Variants in FBXL17 observed in about 807,000 individuals in gnomAD.
The protein encoded by FBXL17 is F-box/LRR-repeat protein 17.
FBXL17 carries 22 observed loss-of-function variants against 66.2 expected under a neutral mutation model. The ratio of observed to expected loss-of-function variants is 0.33; its 90% CI spans 0.24 to 0.47. The LOEUF (loss-of-function observed/expected upper bound fraction) is 0.47, where lower values mean the gene tolerates loss of function less well. Ranked by LOEUF, FBXL17 falls within the 20% of genes least tolerant of loss-of-function variation. The pLI, the probability that FBXL17 is intolerant of heterozygous loss-of-function variation, is 1.00. For synonymous variants in FBXL17, 474 were observed against 400.5 expected, an observed-to-expected ratio of 1.18 and a Z score of -2.19; for missense variants, 878 against 948.2, an observed-to-expected ratio of 0.93 and a Z score of 0.97.
At chr5:108,162,008 TA>T (rs1184008990) in intron 6 of FBXL17, among the ~76,000 whole-genome samples, 13 of 152,340 alleles carry the variant, frequency 8.5e-5, no homozygotes, top group African/African-American at 2.9e-4. Flanking sequence ...TTAAAAGGGA[TA>T]AATAGAAATT....
chr5:108,353,232 A>T (rs1747759043), intron 3 of FBXL17, among the ~76,000 whole-genome samples: 2 of 152,248 alleles, frequency 1.3e-5, no homozygotes, highest in African/African-American at 4.8e-5. Flanking sequence ...ATGAAGACAC[A>T]GACCAAACCA....
intron 7 of FBXL17, among the ~76,000 whole-genome samples, chr5:108,017,107 T>C (rs773324021): frequency 2.2e-4 from 34 of 151,906 alleles, no homozygotes; most frequent in Non-Finnish European, 4.3e-4. Context: ...CAAAAGAAAA[T>C]TGAGCAAAAA....
At chr5:108,326,949 A>G (rs774825055) in intron 4 of FBXL17, among the ~76,000 whole-genome samples, 4 of 152,192 alleles carry the variant, frequency 2.6e-5, no homozygotes, top group African/African-American at 9.6e-5. Flanking sequence ...CTTCCCAAAC[A>G]ACTCAGCCAA....
chr5:108,331,636 T>C (rs1433845525), intron 4 of FBXL17, among the ~76,000 whole-genome samples: 1 of 152,198 alleles, frequency 6.6e-6, no homozygotes, highest in Non-Finnish European at 1.5e-5. Context: ...GCTGAACTTA[T>C]TAATGACACT....
chr5:108,349,388 A>G (rs1747499640), intron 3 of FBXL17, among the ~76,000 whole-genome samples: 1 of 152,138 alleles, frequency 6.6e-6, no homozygotes, highest in African/African-American at 2.4e-5. Flanking sequence ...CCTTCTGCCT[A>G]TGAATCTTCT....
chr5:108,018,219 T>C (rs1272522796), intron 7 of FBXL17, among the ~76,000 whole-genome samples: 1 of 152,134 alleles, frequency 6.6e-6, no homozygotes, highest in East Asian at 1.9e-4. Context: ...CAGATGTACA[T>C]CAAATTTTAC....
At chr5:108,021,199 T>G (rs1754586827) in intron 6 of FBXL17, among the ~76,000 whole-genome samples, 198 bp from the exon 7 acceptor site, 1 of 151,700 alleles carries the variant, frequency 6.6e-6, no homozygotes, top group Non-Finnish European at 1.5e-5. Flanking sequence ...TTATGACTAG[T>G]GCATCTTTTA....
chr5:108,007,973 G>T (rs147784692), intron 7 of FBXL17, among the ~76,000 whole-genome samples: 4 of 152,110 alleles, frequency 2.6e-5, no homozygotes, highest in African/African-American at 9.7e-5. Context: ...ATATTCATGC[G>T]CATTCCCTGA....
chr5:108,197,600 A>T (rs892941144), intron 5 of FBXL17, among the ~76,000 whole-genome samples: 21 of 152,334 alleles, frequency 1.4e-4, no homozygotes, highest in Admixed American at 2.6e-4. Flanking sequence ...TATCCAAGCC[A>T]AGTGACCTGT....
intron 6 of FBXL17, among the ~76,000 whole-genome samples, chr5:108,031,011 C>T (rs1746605734): frequency 6.6e-6 from 1 of 152,012 alleles, no homozygotes; most frequent in African/African-American, 2.4e-5. Flanking sequence ...TACTATTAGG[C>T]CATTTGGCAA....
chr5:108,336,328 C>T (rs1760381783), intron 4 of FBXL17, among the ~76,000 whole-genome samples: 1 of 152,092 alleles, frequency 6.6e-6, no homozygotes, highest in Non-Finnish European at 1.5e-5. Flanking sequence ...AAATATTTAT[C>T]AAATATTATA....
In FBXL17 at chr5:108,086,039, T is replaced by C. The variant is rs117173912; in HGVS notation, c.1746-65038A>G. ...TTTTTTCTGCCCCTACCAAAATCAT[T>C]CATAGAAATCAGAATTTCTTTCCAC... is the stretch of plus-strand genomic sequence containing the variant. On this transcript the variant is annotated intron_variant, in intron 6 of 8. Transcript: ENST00000542267. 5.8e-4 allele frequency among the ~76,000 whole-genome samples: 89 copies of C among 152,300 alleles called. 6 individuals are homozygous for C. In the East Asian group the frequency reaches 0.011, roughly 19 times the overall value.
chr5:108,095,045 T>A lies in FBXL17; in HGVS notation c.1746-74044A>T, dbSNP rs532165775. Among the ~76,000 whole-genome samples, 12 of 152,168 alleles carry A rather than the reference T, an allele frequency of 7.9e-5. No individual in the cohort carries two copies. In the South Asian group the frequency reaches 2.5e-3, roughly 32 times the overall value. On this transcript the variant is annotated intron_variant, in intron 6 of 8. Transcript: ENST00000542267. Reference sequence around the variant, plus strand: ...AAATATGATAAGTGATATATTTAGCTCTTCTACTTTGTATATAAGTGAGTC... The same window carrying A: ...AAATATGATAAGTGATATATTTAGCACTTCTACTTTGTATATAAGTGAGTC...
intron 4 of FBXL17, among the ~76,000 whole-genome samples, chr5:108,294,194 C>G (rs1019176996): frequency 6.9e-6 from 1 of 145,882 alleles, no homozygotes; most frequent in Non-Finnish European, 1.5e-5. Flanking sequence ...TACATATCAA[C>G]AGTATTTTGA....
chr5:108,025,420 C>A (rs1199386717), intron 6 of FBXL17, among the ~76,000 whole-genome samples: 1 of 151,902 alleles, frequency 6.6e-6, no homozygotes, highest in Non-Finnish European at 1.5e-5. Flanking sequence ...CAAAAACAAC[C>A]CCACAGATCT....
chr5:108,231,058 T>C (rs534299068), intron 4 of FBXL17, among the ~76,000 whole-genome samples: 21 of 152,270 alleles, frequency 1.4e-4, no homozygotes, highest in African/African-American at 5.1e-4. Flanking sequence ...TGAGAAATAC[T>C]GCTCAAGTGA....
At chr5:108,114,634 A>C (rs893816419) in intron 6 of FBXL17, among the ~76,000 whole-genome samples, 2 of 152,138 alleles carry the variant, frequency 1.3e-5, no homozygotes, top group Admixed American at 1.3e-4. Flanking sequence ...AAATGGGCAA[A>C]ATTTACCCTG....
At chr5:108,097,707 T>C (rs1325194226) in intron 6 of FBXL17, among the ~76,000 whole-genome samples, 1 of 151,320 alleles carries the variant, frequency 6.6e-6, no homozygotes, top group Non-Finnish European at 1.5e-5. Flanking sequence ...GAGAATCATT[T>C]GAACCCGGGA....
intron 6 of FBXL17, among the ~76,000 whole-genome samples, chr5:108,163,773 A>G (rs1752310515): frequency 6.6e-6 from 1 of 152,226 alleles, no homozygotes; most frequent in Non-Finnish European, 1.5e-5. Flanking sequence ...TTAGCATTAC[A>G]TGCAAACTTC....
Sources: gnomAD v4.1 joint callset for allele counts (sites outside exome capture counted in the v4.1 genomes callset) on GRCh38, gnomAD v4.1.1 for gene constraint, MANE v1.5 for transcripts, NCBI Gene and HGNC (gene_info 2026-07-23, HGNC 2026-07-21) for gene names.